Variants in FIGN observed in about 807,000 individuals in gnomAD.
FIGN encodes the protein fidgetin.
In FIGN, 11 loss-of-function variants were observed where a neutral mutation model predicts 51.3. The ratio of observed to expected loss-of-function variants is 0.21; its 90% CI spans 0.13 to 0.35. FIGN has a LOEUF of 0.35. FIGN is among the 10% of genes least tolerant of loss of function. The probability of loss-of-function intolerance (pLI) is 1.00; values close to 1 mark genes in which losing one functional copy is unlikely to be tolerated. For missense variants in FIGN, 857 were observed against 943.6 expected, an observed-to-expected ratio of 0.91 and a Z score of 1.20; for synonymous variants, 407 against 363.2, an observed-to-expected ratio of 1.12 and a Z score of -1.37.
chr2:163,734,026 T>G lies in FIGN; in HGVS notation c.25+877A>C, dbSNP rs1005328241. Among the ~76,000 whole-genome samples the G allele has an allele frequency of 1.3e-5, 2 of 151,944 alleles. 1 individual carries two copies. ...CTTTAACATCTTTTTGTTGTTGTTG[T>G]TCCCTCTGTCTTAATTGAATATTAC... On this transcript the variant is annotated intron_variant, in intron 2 of 2. Transcript: ENST00000333129.
chr2:163,707,353 T>C (rs564021414), intron 2 of FIGN, among the ~76,000 whole-genome samples: 241 of 4,110 alleles, frequency 0.059, 1 homozygote, highest in African/African-American at 0.14. Context: ...AGACTCTGTC[T>C]CAAAAAAAAA....
At chr2:163,637,114 T>A (rs1300611229) in intron 2 of FIGN, among the ~76,000 whole-genome samples, 1 of 152,104 alleles carries the variant, frequency 6.6e-6, no homozygotes, top group Non-Finnish European at 1.5e-5. Context: ...CAGAGCATCA[T>A]TTATTCATTC....
rs1363486323 is a variant in FIGN, at chr2:163,609,949, C to A, written c.1883G>T (p.Cys628Phe). Reference protein sequence around the residue: ...TSAEDQIVVICATSKPEEIDE... With the variant: ...TSAEDQIVVIFATSKPEEIDE... ...TATTTCTTCTGGTTTACTGGTGGCA[C>A]AAATTACTACGATTTGGTCCTCAGC... The change falls in exon 3 of 3, where the codon TGT becomes TTT. Residue 628 changes from cysteine (C) to phenylalanine (F), a missense_variant. Physicochemically the swap from Cys to Phe is radical, Grantham distance 205. This residue lies in a region of FIGN where 799 missense variants were observed against 849.5 expected (regional missense o/e 0.94). Coordinates refer to ENST00000333129, the MANE Select transcript of FIGN (RefSeq NM_018086.4). 1 of 1,613,838 alleles carries A rather than the reference C, an allele frequency of 6.2e-7. No individual in the cohort carries two copies. The highest frequency in any genetic ancestry group is 8.5e-7 in the Non-Finnish European group (1 of 1,180,012).
chr2:163,603,299 T>C lies in FIGN; in HGVS notation c.*6253A>G, dbSNP rs755897159. 2.0e-5 allele frequency: 3 copies of C among 152,062 alleles called. No individual in the cohort carries two copies. Among genetic ancestry groups the C allele is most frequent in the Non-Finnish European group, 4.4e-5 (3 of 67,980 alleles). 9.4% of individuals were successfully genotyped at this position (152,062 alleles called of 1,614,324 possible). On this transcript the variant is annotated 3_prime_UTR_variant, in exon 3 of 3. Transcript: ENST00000333129. The stretch of plus-strand genomic sequence containing the variant: ...AGTACTAGAATAACCCAAAGAAACA[T>C]GTACTATATAGGGCTTTTCTTCTTT...
chr2:163,643,932 C>CAAAAAA (rs1162234909), intron 2 of FIGN, among the ~76,000 whole-genome samples: 901 of 19,038 alleles, frequency 0.047, 235 homozygotes, highest in Non-Finnish European at 0.059. Flanking sequence ...AACTCTGTCT[C>CAAAAAA]AAAAAAAAAA....
At chr2:163,645,374 A>G (rs1254342447) in intron 2 of FIGN, among the ~76,000 whole-genome samples, 1 of 152,156 alleles carries the variant, frequency 6.6e-6, no homozygotes, top group Non-Finnish European at 1.5e-5. Flanking sequence ...AGAATGGGGG[A>G]AAAACCTCTA....
intron 2 of FIGN, among the ~76,000 whole-genome samples, chr2:163,715,128 T>C (rs893651031): frequency 6.6e-6 from 1 of 152,230 alleles, no homozygotes; most frequent in African/African-American, 2.4e-5. Context: ...TGGCTATGCC[T>C]GGTTCATTTG....
chr2:163,676,473 AT>A (rs1559017813), intron 2 of FIGN, among the ~76,000 whole-genome samples: 12 of 108,924 alleles, frequency 1.1e-4, no homozygotes, highest in African/African-American at 3.7e-4. Context: ...ATATATATAT[AT>A]ATATATATAA....
At chr2:163,613,307 G>A (rs1328887996) in intron 2 of FIGN, among the ~76,000 whole-genome samples, 2 of 152,034 alleles carry the variant, frequency 1.3e-5, no homozygotes, top group African/African-American at 4.8e-5. Context: ...TTTGCAAACT[G>A]TCTTGTGCCC....
In FIGN at chr2:163,730,749, A is replaced by C. The variant is rs558996767; in HGVS notation, c.25+4154T>G. 1.4e-4 allele frequency among the ~76,000 whole-genome samples: 21 copies of C among 152,332 alleles called. No homozygotes were observed. The East Asian group carries it at 4.0e-3, about 29-fold the overall frequency. ...CAATGACTCAAGAAAAACAGCAGAT[A>C]TGCTGATTAATCAAGTTCTATCGAT... On this transcript the variant is annotated intron_variant, in intron 2 of 2. Transcript: ENST00000333129.
chr2:163,704,150 T>C (rs927866998), intron 2 of FIGN, among the ~76,000 whole-genome samples: 3 of 152,136 alleles, frequency 2.0e-5, no homozygotes, highest in African/African-American at 7.2e-5. Flanking sequence ...TAATTGCCCA[T>C]TTGAAACATC....
At position 163,735,091 on chromosome 2, in the gene FIGN, G is replaced by A; in HGVS notation, c.-145-19C>T. ...ATTTAACCTACATGCATATAATTAA[G>A]GGGGAAAGCAACATCAACAAAAAGG... is the stretch of plus-strand genomic sequence containing the variant. On this transcript the variant is annotated intron_variant, in intron 1 of 2. Coordinates refer to ENST00000333129, the MANE Select transcript of FIGN (RefSeq NM_018086.4). 1.9e-6 allele frequency: 1 copy of A among 538,072 alleles called. No homozygotes were observed. Among genetic ancestry groups the A allele is most frequent in the Non-Finnish European group, 3.2e-6 (1 of 312,044 alleles). The allele number at this position is 538,072 out of a possible 1,614,324, so 33.3% of individuals were successfully genotyped here.
chr2:163,677,707 TG>T (rs541157571), intron 2 of FIGN, among the ~76,000 whole-genome samples: 125 of 152,352 alleles, frequency 8.2e-4, no homozygotes, highest in Admixed American at 1.4e-3. Flanking sequence ...CATTTTCTTT[TG>T]TTTTGTGTTC....
chr2:163,665,265 C>T (rs1403909143), intron 2 of FIGN, among the ~76,000 whole-genome samples: 1 of 152,234 alleles, frequency 6.6e-6, no homozygotes, highest in Non-Finnish European at 1.5e-5. Flanking sequence ...TCACTCCATC[C>T]ATAGCCTTGC....
chr2:163,676,469 A>C (rs1485119188), intron 2 of FIGN, among the ~76,000 whole-genome samples: 10 of 107,160 alleles, frequency 9.3e-5, no homozygotes, highest in African/African-American at 3.1e-4. Context: ...ATATATATAT[A>C]TATATATATA....
chr2:163,669,879 G>A (rs1262402905), intron 2 of FIGN, among the ~76,000 whole-genome samples: 2 of 152,124 alleles, frequency 1.3e-5, no homozygotes, highest in Non-Finnish European at 2.9e-5. Flanking sequence ...CTTAGAACAT[G>A]GGTAAGTAGG....
intron 2 of FIGN, among the ~76,000 whole-genome samples, chr2:163,694,541 A>C (rs2105347053): frequency 6.6e-6 from 1 of 152,320 alleles, no homozygotes; most frequent in South Asian, 2.1e-4. Flanking sequence ...TTAGTAAAAC[A>C]CAGAACCAGA....
chr2:163,622,138 C>T (rs1167301284), intron 2 of FIGN, among the ~76,000 whole-genome samples: 1 of 152,042 alleles, frequency 6.6e-6, no homozygotes, highest in Admixed American at 6.6e-5. Flanking sequence ...ATAAACAGGG[C>T]TTACTTTGTC....
chr2:163,680,777 A>G (rs891939714), intron 2 of FIGN, among the ~76,000 whole-genome samples: 1 of 151,448 alleles, frequency 6.6e-6, no homozygotes, highest in South Asian at 2.1e-4. Context: ...ATATAACTCT[A>G]TTATAGTACT....
Sources: gnomAD v4.1 joint callset for allele counts (sites outside exome capture counted in the v4.1 genomes callset) on GRCh38, gnomAD v4.1.1 for gene constraint, gnomAD v4.1.1 regional missense constraint, MANE v1.5 for transcripts, NCBI Gene and HGNC (gene_info 2026-07-23, HGNC 2026-07-21) for gene names.